GPC6: variants seen among roughly 807,000 people sequenced by gnomAD.
GPC6 encodes glypican 6.
Under a neutral mutation model 55.2 loss-of-function variants are expected in GPC6, and 14 were observed. The observed-to-expected ratio is 0.25, with a 90% CI of 0.17 to 0.40. The LOEUF (loss-of-function observed/expected upper bound fraction) is 0.40. GPC6 is among the 10% of genes least tolerant of loss of function. GPC6 has a pLI of 1.00. For synonymous variants in GPC6, 278 were observed against 259.6 expected, an observed-to-expected ratio of 1.07 and a Z score of -0.68; for missense variants, 641 against 708.5, an observed-to-expected ratio of 0.90 and a Z score of 1.08.
At chr13:94,212,663 A>G (rs1013826354) in intron 4 of GPC6, among the ~76,000 whole-genome samples, 2 of 152,196 alleles carry the variant, frequency 1.3e-5, no homozygotes, top group Non-Finnish European at 2.9e-5. Context: ...GATGTCAGCC[A>G]TATTCTTCAA....
chr13:93,473,376 C>T lies in GPC6; in HGVS notation c.161-71887C>T, dbSNP rs1203754567. On this transcript the variant is annotated intron_variant, in intron 1 of 8. Transcript: ENST00000377047. ...TGTCAGCACTGCTGGAGCGTGCACA[C>T]ACCTGGCTGGGCTGTGATAGCACCC... Among the ~76,000 whole-genome samples the T allele has an allele frequency of 2.6e-5, 4 of 152,194 alleles. No homozygotes were observed. In the East Asian group the frequency reaches 7.7e-4, roughly 29 times the overall value.
chr13:93,360,546 T>A (rs915156066), intron 1 of GPC6, among the ~76,000 whole-genome samples: 16 of 152,162 alleles, frequency 1.1e-4, no homozygotes, highest in Admixed American at 2.0e-4. Context: ...AATATGAGAA[T>A]TCTATTGTGT....
At chr13:93,893,554 C>T (rs1178949820) in intron 3 of GPC6, among the ~76,000 whole-genome samples, 2 of 152,146 alleles carry the variant, frequency 1.3e-5, no homozygotes, top group African/African-American at 4.8e-5. Flanking sequence ...TTATTTAACC[C>T]TCTTGTGTTC....
chr13:94,353,869 C>A (rs1307650898), intron 6 of GPC6, among the ~76,000 whole-genome samples: 1 of 152,130 alleles, frequency 6.6e-6, no homozygotes, highest in African/African-American at 2.4e-5. Context: ...TGTCAGCTTG[C>A]TGACTCTTCC....
At chr13:94,216,694 A>G (rs1325952070) in intron 4 of GPC6, among the ~76,000 whole-genome samples, 1 of 152,126 alleles carries the variant, frequency 6.6e-6, no homozygotes, top group Non-Finnish European at 1.5e-5. Flanking sequence ...ATTCACACAT[A>G]GTGGTCAGAA....
At chr13:94,325,764 C>T (rs935039592) in intron 6 of GPC6, among the ~76,000 whole-genome samples, 3 of 152,156 alleles carry the variant, frequency 2.0e-5, no homozygotes, top group African/African-American at 7.2e-5. Context: ...CCCTTTTGAT[C>T]CGTGTGACCC....
intron 1 of GPC6, among the ~76,000 whole-genome samples, chr13:93,359,884 A>G (rs78059789): frequency 0.026 from 4,011 of 152,294 alleles, 170 homozygotes; most frequent in African/African-American, 0.09. Flanking sequence ...AAACAAAATA[A>G]TTAGGCAAAG....
At chr13:93,471,478 G>A (rs1438591912) in intron 1 of GPC6, among the ~76,000 whole-genome samples, 6 of 151,932 alleles carry the variant, frequency 3.9e-5, no homozygotes, top group South Asian at 2.1e-4. Context: ...TGCAGATCTC[G>A]CCACTGCACT....
At chr13:93,314,111 T>G (rs1761725152) in intron 1 of GPC6, among the ~76,000 whole-genome samples, 1 of 152,204 alleles carries the variant, frequency 6.6e-6, no homozygotes, top group Admixed American at 6.5e-5. Context: ...CCTTTTGTCA[T>G]TAGTTCTGCT....
At chr13:93,834,025 C>G (rs1226742034) in intron 3 of GPC6, among the ~76,000 whole-genome samples, 1 of 152,100 alleles carries the variant, frequency 6.6e-6, no homozygotes, top group Non-Finnish European at 1.5e-5. Context: ...GGTGGAATAT[C>G]AGGAACCTCC....
At chr13:94,208,198 T>G (rs1889962015) in intron 4 of GPC6, among the ~76,000 whole-genome samples, 1 of 152,186 alleles carries the variant, frequency 6.6e-6, no homozygotes, top group Non-Finnish European at 1.5e-5. Flanking sequence ...TACAAATAAT[T>G]TCAAATATTT....
chr13:93,631,095 A>G (rs568153730), intron 2 of GPC6, among the ~76,000 whole-genome samples: 3 of 152,322 alleles, frequency 2.0e-5, no homozygotes, highest in African/African-American at 7.2e-5. Context: ...GTCCTTGCAC[A>G]TGGTCATGAA....
chr13:93,651,356 A>G (rs1298869650), intron 2 of GPC6, among the ~76,000 whole-genome samples: 1 of 152,102 alleles, frequency 6.6e-6, no homozygotes, highest in Non-Finnish European at 1.5e-5. Flanking sequence ...TTTAAGCAAA[A>G]GCAGAATTAA....
At chr13:93,439,208 A>G (rs551799019) in intron 1 of GPC6, among the ~76,000 whole-genome samples, 1 of 152,290 alleles carries the variant, frequency 6.6e-6, no homozygotes, top group East Asian at 1.9e-4. Context: ...GCAATGGTCT[A>G]GAACTGAACC....
intron 6 of GPC6, among the ~76,000 whole-genome samples, chr13:94,378,735 C>T (rs1197086593): frequency 5.9e-5 from 9 of 152,088 alleles, no homozygotes; most frequent in Non-Finnish European, 8.8e-5. Flanking sequence ...CAGAATCTAT[C>T]AATAGCATAG....
chr13:93,638,154 G>T (rs774411785), intron 2 of GPC6, among the ~76,000 whole-genome samples: 14 of 152,058 alleles, frequency 9.2e-5, no homozygotes, highest in Non-Finnish European at 1.2e-4. Context: ...ATTTTTATGA[G>T]AATGTTCTTA....
chr13:94,120,450 C>T (rs1005698258), intron 4 of GPC6, among the ~76,000 whole-genome samples: 4 of 152,000 alleles, frequency 2.6e-5, no homozygotes, highest in Non-Finnish European at 4.4e-5. Context: ...CAGGTTTCTT[C>T]CGGTTAATGT....
At chr13:94,195,530 T>C (rs546623789) in intron 4 of GPC6, among the ~76,000 whole-genome samples, 1 of 152,378 alleles carries the variant, frequency 6.6e-6, no homozygotes, top group East Asian at 1.9e-4. Context: ...CACATTATTA[T>C]TCTCGCTGAC....
chr13:93,330,767 A>G (rs1011689753), intron 1 of GPC6, among the ~76,000 whole-genome samples: 2 of 152,124 alleles, frequency 1.3e-5, no homozygotes, highest in East Asian at 1.9e-4. Context: ...TGCATCTTTC[A>G]TTCTTCCATC....
Sources: allele counts gnomAD v4.1 joint callset (sites outside exome capture counted in the v4.1 genomes callset), GRCh38; gene constraint gnomAD v4.1.1; transcripts MANE v1.5; gene names NCBI Gene and HGNC (gene_info 2026-07-23, HGNC 2026-07-21).